Variants in FYB1 observed in about 807,000 individuals in gnomAD.
FYB1 encodes the protein FYN binding protein 1.
FYB1 carries 41 observed loss-of-function variants against 94.1 expected under a neutral mutation model. That is an observed-to-expected ratio of 0.44 (90% confidence interval 0.34 to 0.57). FYB1 has a LOEUF of 0.57. Ranked by LOEUF, FYB1 falls within the 20% of genes least tolerant of loss-of-function variation. FYB1 has a pLI of 0.02. For synonymous variants in FYB1, 367 were observed against 353.2 expected, an observed-to-expected ratio of 1.04 and a Z score of -0.44; for missense variants, 1,050 against 976.8, an observed-to-expected ratio of 1.07 and a Z score of -1.00.
intron 2 of FYB1, 107 bp from the exon 3 acceptor site, chr5:39,153,711 A>G: frequency 3.3e-6 from 3 of 905,826 alleles, no homozygotes; most frequent in Non-Finnish European, 5.0e-6. Flanking sequence ...GCAAAAATTA[A>G]CAACTGGCTA....
intron 2 of FYB1, among the ~76,000 whole-genome samples, chr5:39,196,595 T>G (rs1409616352): frequency 6.6e-6 from 1 of 152,242 alleles, no homozygotes; most frequent in Non-Finnish European, 1.5e-5. Flanking sequence ...GACTGGCTTC[T>G]GTCTTCATGG....
intron 2 of FYB1, among the ~76,000 whole-genome samples, chr5:39,181,821 C>T (rs1746269490): frequency 6.6e-6 from 1 of 152,130 alleles, no homozygotes; most frequent in Non-Finnish European, 1.5e-5. Flanking sequence ...TGTCTACCTC[C>T]TTAATCGAGG....
At chr5:39,126,193 G>A in intron 11 of FYB1, 58 bp from the exon 12 acceptor site, 1 of 1,563,284 alleles carries the variant, frequency 6.4e-7, no homozygotes, top group Non-Finnish European at 8.7e-7. Context: ...TGAAGACATT[G>A]TGTGGACATT....
chr5:39,229,724 A>T (rs1240577435), intron 1 of FYB1, among the ~76,000 whole-genome samples: 1 of 152,200 alleles, frequency 6.6e-6, no homozygotes, highest in Non-Finnish European at 1.5e-5. Context: ...CATTTTATAG[A>T]TAAGGGCAAT....
At chr5:39,239,481 T>C (rs1561300015) in intron 1 of FYB1, among the ~76,000 whole-genome samples, 2 of 152,074 alleles carry the variant, frequency 1.3e-5, no homozygotes, top group South Asian at 4.1e-4. Context: ...ACAAAATCAA[T>C]GCATGAAAAT....
At chr5:39,162,809 C>T (rs1364950803) in intron 2 of FYB1, among the ~76,000 whole-genome samples, 3 of 151,674 alleles carry the variant, frequency 2.0e-5, no homozygotes, top group African/African-American at 7.3e-5. Context: ...CTTAATAATC[C>T]TGATAGGTAA....
At chr5:39,196,337 T>A (rs1203247007) in intron 2 of FYB1, among the ~76,000 whole-genome samples, 2 of 151,190 alleles carry the variant, frequency 1.3e-5, no homozygotes, top group Non-Finnish European at 2.9e-5. Flanking sequence ...GCCTCCTGAG[T>A]AGCTGGGAGG....
At chr5:39,229,138 G>A (rs1195128022) in intron 1 of FYB1, among the ~76,000 whole-genome samples, 1 of 152,088 alleles carries the variant, frequency 6.6e-6, no homozygotes, top group East Asian at 1.9e-4. Flanking sequence ...ATCAAAAGGA[G>A]CCTGGGACTC....
intron 15 of FYB1, 95 bp downstream of exon 15, chr5:39,119,440 A>G: frequency 1.1e-6 from 1 of 882,070 alleles, no homozygotes; most frequent in Non-Finnish European, 1.6e-6. Flanking sequence ...CTTAAAAATC[A>G]TTGGATTTTT....
chr5:39,203,371 A>G (rs1366694321), intron 1 of FYB1, among the ~76,000 whole-genome samples: 1 of 152,220 alleles, frequency 6.6e-6, no homozygotes. Context: ...TCCATATTTT[A>G]TAATTGAAAC....
At chr5:39,245,801 T>C (rs996582790) in intron 1 of FYB1, among the ~76,000 whole-genome samples, 1 of 152,176 alleles carries the variant, frequency 6.6e-6, no homozygotes, top group Admixed American at 6.5e-5. Flanking sequence ...GGTTTCGCCA[T>C]GTCGGCCAGG....
At chr5:39,173,529 G>A (rs1745443619) in intron 2 of FYB1, among the ~76,000 whole-genome samples, 1 of 152,048 alleles carries the variant, frequency 6.6e-6, no homozygotes, top group African/African-American at 2.4e-5. Context: ...AGCCTATGTT[G>A]AGAAGGGTAG....
At chr5:39,195,324 T>C in intron 2 of FYB1, among the ~76,000 whole-genome samples, 1 of 152,208 alleles carries the variant, frequency 6.6e-6, no homozygotes, top group Admixed American at 6.5e-5. Flanking sequence ...TGCCACATGC[T>C]GATATAAAAC....
At chr5:39,211,459 C>G (rs1579695592) in intron 1 of FYB1, among the ~76,000 whole-genome samples, 2 of 152,056 alleles carry the variant, frequency 1.3e-5, no homozygotes, top group East Asian at 3.9e-4. Context: ...GTAGCTGGAA[C>G]TACAGGCGCC....
At chr5:39,179,360 C>A (rs1232992768) in intron 2 of FYB1, among the ~76,000 whole-genome samples, 1 of 151,862 alleles carries the variant, frequency 6.6e-6, no homozygotes, top group Non-Finnish European at 1.5e-5. Context: ...AGTGTGGGAA[C>A]AAGAAAATGG....
Position 39,137,644 on chromosome 5 carries a change from T to G in FYB1, c.1471A>C (p.Lys491Gln), listed in dbSNP as rs374778544. Residue 491 changes from lysine (K) to glutamine (Q), a missense_variant, in exon 7 of 19, where the codon AAA becomes CAA. By Grantham distance (53) the Lys-to-Gln change is moderately conservative. Transcript: ENST00000512982. ...KRLELEKKEQ[K>Q]EKEKKEQEIK... Reference sequence around the variant, plus strand: ...TCTTGTTCTTTCTTTTCTTTCTCTTTCTGTTCCTTTTTCTCCAGCTCTAAC... The same window carrying G: ...TCTTGTTCTTTCTTTTCTTTCTCTTGCTGTTCCTTTTTCTCCAGCTCTAAC... 5.2e-6 allele frequency: 8 copies of G among 1,537,044 alleles called. No homozygotes were observed. The highest frequency in any genetic ancestry group is 7.1e-6 in the Non-Finnish European group (8 of 1,134,352).
At chr5:39,201,654 C>A (rs893955587) in intron 2 of FYB1, among the ~76,000 whole-genome samples, 172 bp downstream of exon 2, 2 of 152,180 alleles carry the variant, frequency 1.3e-5, no homozygotes, top group Admixed American at 1.3e-4. Flanking sequence ...AGACTTCCTA[C>A]TTTCCCAGAC....
intron 2 of FYB1, among the ~76,000 whole-genome samples, chr5:39,183,325 G>A (rs1746435809): frequency 6.6e-6 from 1 of 152,046 alleles, no homozygotes; most frequent in African/African-American, 2.4e-5. Context: ...CTCTAATCCA[G>A]GACTGGTTGT....
chr5:39,207,809 G>A (rs1453548856), intron 1 of FYB1, among the ~76,000 whole-genome samples: 1 of 152,158 alleles, frequency 6.6e-6, no homozygotes, highest in Non-Finnish European at 1.5e-5. Context: ...CCCTGGGGAT[G>A]TTTATCAATG....
Sources: gnomAD v4.1 joint callset for allele counts (sites outside exome capture counted in the v4.1 genomes callset) on GRCh38, gnomAD v4.1.1 for gene constraint, MANE v1.5 for transcripts, NCBI Gene and HGNC (gene_info 2026-07-23, HGNC 2026-07-21) for gene names.